Variants in UNC93A observed in about 807,000 individuals in gnomAD.
The protein encoded by UNC93A is unc-93 homolog A, also known as N-acetylglucosamine transporter UNC93A.
A neutral mutation model predicts 47.5 loss-of-function variants in UNC93A; 43 were observed. The observed-to-expected ratio is 0.91, with a 90% CI of 0.71 to 1.17. The LOEUF (loss-of-function observed/expected upper bound fraction) is 1.17, where lower values mean the gene tolerates loss of function less well. Among genes scored for constraint, UNC93A ranks in the 50% most tolerant of loss-of-function variants. The pLI is 0.00. For missense variants in UNC93A, 605 were observed against 577.6 expected, an observed-to-expected ratio of 1.05 and a Z score of -0.49; for synonymous variants, 280 against 258.0, an observed-to-expected ratio of 1.09 and a Z score of -0.82.
chr6:167,301,540 A>G (rs899189775), intron 4 of UNC93A, among the ~76,000 whole-genome samples: 4 of 152,192 alleles, frequency 2.6e-5, no homozygotes, highest in Admixed American at 1.3e-4. Flanking sequence ...GCAAAGAGCC[A>G]TTCTCTTTAG....
intron 4 of UNC93A, among the ~76,000 whole-genome samples, chr6:167,300,530 C>T: frequency 6.6e-6 from 1 of 152,100 alleles, no homozygotes; most frequent in East Asian, 1.9e-4. Context: ...GGCGAGCAAC[C>T]TGGGGAGGGT....
Position 167,304,104 on chromosome 6 carries a change from C to A in UNC93A, c.811C>A (p.Gln271Lys), listed in dbSNP as rs1244381664. 1 of 1,614,198 alleles carries A rather than the reference C, an allele frequency of 6.2e-7. No homozygotes were observed. The highest frequency in any genetic ancestry group is 2.2e-5 in the East Asian group (1 of 44,894). Residue 271 changes from glutamine to lysine, a missense_variant, in exon 5 of 8, where the codon CAA becomes AAA. Physicochemically the swap from Gln to Lys is moderately conservative, Grantham distance 53. Coordinates refer to ENST00000230256, the MANE Select transcript of UNC93A (RefSeq NM_018974.4). Reference protein sequence around the residue: ...ILLPLYSGLQQGFLSSEYTRS... With the variant: ...ILLPLYSGLQKGFLSSEYTRS... ...GCTGCCGCTGTACAGTGGATTGCAG[C>A]AAGGATTCCTCTCCAGCGAATACAC...
chr6:167,299,672 G>T (rs929986864), intron 4 of UNC93A, among the ~76,000 whole-genome samples: 2 of 152,212 alleles, frequency 1.3e-5, no homozygotes, highest in Admixed American at 6.5e-5. Context: ...CCTGGAGCAC[G>T]GAGTTTCAGG....
At chr6:167,289,924 T>C (rs926036474), upstream of UNC93A, among the ~76,000 whole-genome samples, 2 of 152,228 alleles carry the variant, frequency 1.3e-5, no homozygotes, top group Admixed American at 6.5e-5. Flanking sequence ...TCTCTGAAAG[T>C]CAAAATATCA....
chr6:167,304,727 C>T (rs991480136), intron 5 of UNC93A, among the ~76,000 whole-genome samples: 6 of 152,082 alleles, frequency 3.9e-5, no homozygotes, highest in South Asian at 2.1e-4. Context: ...TGTGCCACCA[C>T]GCCTGGGTAA....
chr6:167,276,756 G>A (rs73257132), intron 1 of UNC93A, among the ~76,000 whole-genome samples: 5,736 of 148,868 alleles, frequency 0.039, 179 homozygotes, highest in East Asian at 0.079. Flanking sequence ...CCTTTCTCAA[G>A]TCTAAGCAAA....
chr6:167,274,511 A>T (rs565643834), intron 1 of UNC93A, among the ~76,000 whole-genome samples: 1 of 151,932 alleles, frequency 6.6e-6, no homozygotes, highest in African/African-American at 2.4e-5. Flanking sequence ...TGCTTCTCAC[A>T]CTGGAGTCCT....
At chr6:167,314,430 C>T (rs1778636008) in intron 7 of UNC93A, among the ~76,000 whole-genome samples, 6 of 152,166 alleles carry the variant, frequency 3.9e-5, no homozygotes, top group Admixed American at 3.9e-4. Flanking sequence ...ACTGTCCCTG[C>T]TCCTGTCCCT....
At chr6:167,287,927 T>C (rs1448664009), upstream of UNC93A, among the ~76,000 whole-genome samples, 2 of 152,156 alleles carry the variant, frequency 1.3e-5, no homozygotes, top group African/African-American at 2.4e-5. Context: ...TTCATTCTGG[T>C]GCAAAATGAG....
chr6:167,291,394 C>T lies in UNC93A; in HGVS notation c.-96C>T, dbSNP rs1164094054. 12 of 1,064,504 alleles carry T rather than the reference C, an allele frequency of 1.1e-5. No homozygotes were observed. The highest frequency in any genetic ancestry group is 1.7e-5 in the Non-Finnish European group (12 of 709,582). 65.9% of individuals were successfully genotyped at this position (1,064,504 alleles called of 1,614,324 possible). A position where few individuals can be genotyped will look rare whatever the true frequency, so the allele number is the denominator to read the frequency against. ...TCAGATGAGAGAGAGAATGGGACTT[C>T]TTGGTACTGATTGTTTTTCCCATGC... On this transcript the variant is annotated 5_prime_UTR_variant, in exon 1 of 8. Coordinates refer to ENST00000230256, the MANE Select transcript of UNC93A (RefSeq NM_018974.4).
At chr6:167,273,840 G>A (rs960834239) in intron 1 of UNC93A, among the ~76,000 whole-genome samples, 3 of 105,050 alleles carry the variant, frequency 2.9e-5, no homozygotes, top group African/African-American at 9.7e-5. Context: ...CAATAGAAAG[G>A]AAATATCTGG....
rs1470081095 is a variant in UNC93A at position 167,315,815 on chromosome 6, GC to G, written c.*367del. 5.3e-6 allele frequency: 1 copy of G among 188,298 alleles called. No homozygotes were observed. Among genetic ancestry groups the G allele is most frequent in the African/African-American group, 2.7e-5 (1 of 36,852 alleles). The allele number at this position is 188,298 out of a possible 1,614,324, so 11.7% of individuals were successfully genotyped here. On this transcript the variant is annotated 3_prime_UTR_variant, in exon 8 of 8. Coordinates refer to ENST00000230256, the MANE Select transcript of UNC93A (RefSeq NM_018974.4). Reference sequence around the variant, plus strand: ...AAGCCTGCTTAAAAAATGTAGTTGAGCCCCATAATTTTACAAATGGGCGAAC... The same window carrying G: ...AAGCCTGCTTAAAAAATGTAGTTGAGCCCATAATTTTACAAATGGGCGAAC...
intron 1 of UNC93A, among the ~76,000 whole-genome samples, chr6:167,276,771 A>C (rs907168625): frequency 6.6e-6 from 1 of 152,080 alleles, no homozygotes; most frequent in African/African-American, 2.4e-5. Flanking sequence ...AGCAAAAAAA[A>C]TGTATTTATG....
intron 1 of UNC93A, among the ~76,000 whole-genome samples, chr6:167,274,133 G>T (rs117974082): frequency 5.2e-4 from 79 of 150,510 alleles, no homozygotes; most frequent in Non-Finnish European, 6.3e-4. Context: ...TATCTGTCAT[G>T]TGAAGTTACG....
intron 5 of UNC93A, among the ~76,000 whole-genome samples, chr6:167,305,534 T>C (rs895063727): frequency 3.3e-5 from 5 of 151,436 alleles, no homozygotes; most frequent in Admixed American, 2.6e-4. Flanking sequence ...CAGGGCAATC[T>C]TTTCATTTTC....
At chr6:167,313,504 G>T (rs929702732) in intron 7 of UNC93A, among the ~76,000 whole-genome samples, 3 of 151,960 alleles carry the variant, frequency 2.0e-5, no homozygotes, top group African/African-American at 4.8e-5. Context: ...GGGAGATGGT[G>T]GGGGGGCTGG....
intron 1 of UNC93A, among the ~76,000 whole-genome samples, chr6:167,277,216 G>T (rs1418641499): frequency 6.6e-6 from 1 of 152,240 alleles, no homozygotes; most frequent in Non-Finnish European, 1.5e-5. Flanking sequence ...TTCACCCTGA[G>T]AACTGCGCCT....
chr6:167,299,596 C>G (rs1363440979), intron 4 of UNC93A, among the ~76,000 whole-genome samples: 1 of 152,208 alleles, frequency 6.6e-6, no homozygotes, highest in African/African-American at 2.4e-5. Context: ...GACACACACC[C>G]AACTAACCGA....
chr6:167,293,740 C>T (rs1055188944), intron 1 of UNC93A, among the ~76,000 whole-genome samples: 4 of 152,314 alleles, frequency 2.6e-5, no homozygotes, highest in East Asian at 1.9e-4. Context: ...TAGGTCCCCT[C>T]GTCCAAGGAC....
Sources: gnomAD v4.1 joint callset for allele counts (sites outside exome capture counted in the v4.1 genomes callset) on GRCh38, gnomAD v4.1.1 for gene constraint, MANE v1.5 for transcripts, NCBI Gene and HGNC (gene_info 2026-07-23, HGNC 2026-07-21) for gene names.